TMEM178B: variants seen among roughly 807,000 people sequenced by gnomAD.
TMEM178B encodes transmembrane protein 178B.
Under a neutral mutation model 31.0 loss-of-function variants are expected in TMEM178B, and 5 were observed. The ratio of observed to expected loss-of-function variants is 0.16; its 90% confidence interval spans 0.08 to 0.34. The LOEUF (loss-of-function observed/expected upper bound fraction) is 0.34. Ranked by LOEUF, TMEM178B falls within the 10% of genes least tolerant of loss-of-function variation. TMEM178B has a pLI of 1.00. For missense variants in TMEM178B, 275 were observed against 400.3 expected (o/e 0.69, Z 2.67); for synonymous variants, 164 against 164.0 (o/e 1.00, Z 0.00).
chr7:141,321,629 C>T (rs190001724), intron 2 of TMEM178B, among the ~76,000 whole-genome samples: 1 of 152,240 alleles, frequency 6.6e-6, no homozygotes, highest in East Asian at 1.9e-4. Context: ...TAATTTTGTT[C>T]TGCTAAGAGT....
chr7:141,232,352 A>G (rs1042737471), intron 2 of TMEM178B, among the ~76,000 whole-genome samples: 2 of 152,160 alleles, frequency 1.3e-5, no homozygotes, highest in African/African-American at 4.8e-5. Flanking sequence ...GTCAAGTGGT[A>G]TTTCTGGTTC....
rs1355682402 is a variant in TMEM178B, at chr7:141,366,124, T to A, written c.497-71484T>A. Among the ~76,000 whole-genome samples, 5 of 152,364 alleles carry A rather than the reference T, an allele frequency of 3.3e-5. No homozygotes were observed. In the East Asian group the frequency reaches 9.6e-4, roughly 29 times the overall value. On this transcript the variant is annotated intron_variant, in intron 2 of 3. Coordinates refer to ENST00000565468, the MANE Select transcript of TMEM178B (RefSeq NM_001195278.2). ...AGGGATGTGGTAAGGTCAGAGATGA[T>A]GACTGCTGAGCATGTGCGTTCCTTT...
At chr7:141,361,202 G>C (rs188314415) in intron 2 of TMEM178B, among the ~76,000 whole-genome samples, 1 of 152,298 alleles carries the variant, frequency 6.6e-6, no homozygotes, top group African/African-American at 2.4e-5. Flanking sequence ...CCACTGGCTG[G>C]TGGTCCTTGC....
intron 2 of TMEM178B, among the ~76,000 whole-genome samples, chr7:141,329,261 C>T (rs541447494): frequency 4.1e-4 from 63 of 152,218 alleles, no homozygotes; most frequent in African/African-American, 1.5e-3. Flanking sequence ...CAAACTCTTC[C>T]CACCCCCTAC....
At chr7:141,426,106 A>G (rs1276229348) in intron 2 of TMEM178B, among the ~76,000 whole-genome samples, 1 of 152,234 alleles carries the variant, frequency 6.6e-6, no homozygotes, top group East Asian at 1.9e-4. Flanking sequence ...GCTGGCTTTA[A>G]AAAATGAGAT....
chr7:141,199,508 G>A (rs1327938222), intron 1 of TMEM178B, among the ~76,000 whole-genome samples: 1 of 152,132 alleles, frequency 6.6e-6, no homozygotes, highest in Non-Finnish European at 1.5e-5. Flanking sequence ...TCCCCCAGTG[G>A]GGAGGCTGCT....
chr7:141,241,513 C>T (rs1797618314), intron 2 of TMEM178B, among the ~76,000 whole-genome samples: 1 of 149,914 alleles, frequency 6.7e-6, no homozygotes, highest in African/African-American at 2.5e-5. Context: ...TCACTTGAAC[C>T]CAGGAGGCAG....
chr7:141,408,734 G>A (rs1800929947), intron 2 of TMEM178B, among the ~76,000 whole-genome samples: 1 of 152,230 alleles, frequency 6.6e-6, no homozygotes, highest in South Asian at 2.1e-4. Context: ...ATGGGGAACT[G>A]AATAAAGAAG....
chr7:141,419,363 G>A (rs1426216589), intron 2 of TMEM178B, among the ~76,000 whole-genome samples: 1 of 152,170 alleles, frequency 6.6e-6, no homozygotes, highest in African/African-American at 2.4e-5. Flanking sequence ...CCAGAATCCT[G>A]GGAGTCATCA....
the TMEM178B span, among the ~76,000 whole-genome samples, chr7:141,502,245 C>T: frequency 1.6e-5 from 2 of 127,222 alleles, no homozygotes; most frequent in East Asian, 1.9e-4. Flanking sequence ...CTCCTTTCCA[C>T]CTCTCCCAGT....
intron 2 of TMEM178B, among the ~76,000 whole-genome samples, chr7:141,325,399 G>A (rs1260378539): frequency 6.6e-6 from 1 of 151,956 alleles, no homozygotes; most frequent in Non-Finnish European, 1.5e-5. Context: ...CTGTGCTTTT[G>A]TCTGTCACCC....
chr7:141,227,331 A>G (rs1797361500), intron 2 of TMEM178B, among the ~76,000 whole-genome samples: 2 of 152,222 alleles, frequency 1.3e-5, no homozygotes, highest in Admixed American at 1.3e-4. Context: ...CTCACTTACC[A>G]GACACTGTTC....
Position 141,192,487 on chromosome 7 carries a change from G to A in TMEM178B, c.383-20104G>A, listed in dbSNP as rs971014685. ...AAGGAATGGGGACTCTCCATGCAGC[G>A]GTCTTTTTTTTTTTTTTTTGAGACA... On this transcript the variant is annotated intron_variant, in intron 1 of 3. Transcript: ENST00000565468. 3.8e-4 allele frequency among the ~76,000 whole-genome samples: 40 copies of A among 104,362 alleles called. 4 individuals carry two copies. The allele number at this position is 104,362 out of a possible 152,430, so 68.5% of individuals were successfully genotyped here. A position where few individuals can be genotyped will look rare whatever the true frequency, so the allele number is the denominator to read the frequency against.
rs1802369237 is a variant in TMEM178B, at chr7:141,476,623, A to G, written c.*5837A>G. On this transcript the variant is annotated 3_prime_UTR_variant, in exon 4 of 4. Coordinates refer to ENST00000565468, the MANE Select transcript of TMEM178B (RefSeq NM_001195278.2). ...TGAAGCCAGTAGCTTCGTCAAAAAC[A>G]TATGAATTCATATAAGGAAGCCCTT... 1 of 152,228 alleles carries G rather than the reference A, an allele frequency of 6.6e-6. No individual in the cohort carries two copies. Among genetic ancestry groups the G allele is most frequent in the Non-Finnish European group, 1.5e-5 (1 of 68,032 alleles). The allele number at this position is 152,228 out of a possible 1,614,324, so 9.4% of individuals were successfully genotyped here. A position where few individuals can be genotyped will look rare whatever the true frequency, so the allele number is the denominator to read the frequency against.
At chr7:141,275,814 A>G (rs1470190854) in intron 2 of TMEM178B, among the ~76,000 whole-genome samples, 1 of 152,216 alleles carries the variant, frequency 6.6e-6, no homozygotes, top group African/African-American at 2.4e-5. Flanking sequence ...TTAATCAATG[A>G]CAGACTGTTT....
At chr7:141,305,348 T>A (rs1798798480) in intron 2 of TMEM178B, among the ~76,000 whole-genome samples, 1 of 152,222 alleles carries the variant, frequency 6.6e-6, no homozygotes, top group Non-Finnish European at 1.5e-5. Context: ...CTCATTTAAT[T>A]GTCATACCCA....
At chr7:141,369,032 G>T (rs895982417) in intron 2 of TMEM178B, among the ~76,000 whole-genome samples, 1 of 149,158 alleles carries the variant, frequency 6.7e-6, no homozygotes, top group Non-Finnish European at 1.5e-5. Context: ...TGGGGCTCTT[G>T]CTCACCCCCC....
At chr7:141,494,672 G>T in the TMEM178B span, among the ~76,000 whole-genome samples, 2 of 152,208 alleles carry the variant, frequency 1.3e-5, no homozygotes, top group African/African-American at 2.4e-5. Context: ...GAAAGGCCAA[G>T]GTGGGAGGAT....
At chr7:141,496,224 G>C in the TMEM178B span, among the ~76,000 whole-genome samples, 1 of 152,152 alleles carries the variant, frequency 6.6e-6, no homozygotes, top group Non-Finnish European at 1.5e-5. Context: ...GGGACACAGT[G>C]TCTTTTCATT....
Sources: allele counts gnomAD v4.1 joint callset (sites outside exome capture counted in the v4.1 genomes callset), GRCh38; gene constraint gnomAD v4.1.1; transcripts MANE v1.5; gene names NCBI Gene and HGNC (gene_info 2026-07-23, HGNC 2026-07-21).